Variants in TLCD3B observed in about 807,000 individuals in gnomAD.
The protein encoded by TLCD3B is TLC domain containing 3B, also known as ceramide synthase.
In TLCD3B, 9 loss-of-function variants were observed where a neutral mutation model predicts 23.0. That is an observed-to-expected ratio of 0.39 (90% CI 0.24 to 0.68). The LOEUF (loss-of-function observed/expected upper bound fraction) is 0.68. TLCD3B is among the 30% of genes least tolerant of loss of function. The probability of loss-of-function intolerance (pLI) is 0.44; values close to 1 mark genes in which losing one functional copy is unlikely to be tolerated. For synonymous variants in TLCD3B, 161 were observed against 161.0 expected (o/e 1.00, Z 0.00); for missense variants, 307 against 371.8 (o/e 0.83, Z 1.43).
rs959416075 is a variant in TLCD3B, at chr16:30,025,033, G to A, written c.*150C>T. On this transcript the variant is annotated 3_prime_UTR_variant, in exon 5 of 5. Transcript: ENST00000380495. The surrounding 1 kb of genome is among the most constrained non-coding windows in gnomAD (Gnocchi z 4.1). The stretch of plus-strand genomic sequence containing the variant: ...CCCTCTCTCCACCCCCTCAGTCCCC[G>A]AGAGATGGGGCCTCTTCCCTTTCGG... 9 of 574,780 alleles carry A rather than the reference G, an allele frequency of 1.6e-5. No individual in the cohort carries two copies. The highest frequency in any genetic ancestry group is 9.8e-5 in the African/African-American group (5 of 51,000). The allele number at this position is 574,780 out of a possible 1,614,324, so 35.6% of individuals were successfully genotyped here.
chr16:30,051,120 G>C (rs1352690147), intron 1 of TLCD3B, among the ~76,000 whole-genome samples: 1 of 152,286 alleles, frequency 6.6e-6, no homozygotes, highest in East Asian at 1.9e-4. Flanking sequence ...TATTGGCTGA[G>C]TGCAGTGGCT....
Position 30,026,689 on chromosome 16 carries a change from C to CT in TLCD3B, c.363dup (p.Ala122SerfsTer33). 6.2e-7 allele frequency: 1 copy of CT among 1,613,978 alleles called. No homozygotes were observed. Among genetic ancestry groups the CT allele is most frequent in the Non-Finnish European group, 8.5e-7 (1 of 1,180,032 alleles). ...AACTCCTTGTGCAGGTAGCCACGCG[C>CT]TATGGCCCACGTGCTGCCCGGGGCT... On this transcript the variant is annotated frameshift_variant, in exon 3 of 5. Transcript: ENST00000380495. LOFTEE classifies it high-confidence loss of function.
At chr16:30,047,135 A>ATCTG (rs58041815) in intron 1 of TLCD3B, among the ~76,000 whole-genome samples, 4,080 of 150,584 alleles carry the variant, frequency 0.027, 68 homozygotes, top group Middle Eastern at 0.048. Context: ...CTGTTGTGTC[A>ATCTG]TCTGTCTGTC....
upstream of TLCD3B, among the ~76,000 whole-genome samples, chr16:30,034,696 C>A (rs116240256): frequency 9.5e-3 from 1,439 of 152,244 alleles, 16 homozygotes; most frequent in African/African-American, 0.032. Context: ...GTCCTCCAGC[C>A]TATATCATCC....
At position 30,025,179 on chromosome 16, in the gene TLCD3B, G is replaced by C. The variant is rs1393963639; in HGVS notation, c.*4C>G. The C allele has an allele frequency of 6.9e-7, 1 of 1,444,814 alleles. No homozygotes were observed. 89.5% of individuals were successfully genotyped at this position (1,444,814 alleles called of 1,614,324 possible). A position where few individuals can be genotyped will look rare whatever the true frequency, so the allele number is the denominator to read the frequency against. ...GGGGAGGGGGAGGGTCCCGGCCCCC[G>C]GCCTCAGTCCTGGGCCTGGCAGGCC... On this transcript the variant is annotated 3_prime_UTR_variant, in exon 5 of 5. Coordinates refer to ENST00000380495, the MANE Select transcript of TLCD3B (RefSeq NM_031478.6). This position sits in a 1 kb window ranked among gnomAD's most constrained non-coding sequence, Gnocchi z 4.1.
In TLCD3B at chr16:30,039,617, T is replaced by A. The variant is rs560803818; in HGVS notation, c.-67+1378A>T. Among the ~76,000 whole-genome samples, 17 of 151,738 alleles carry A rather than the reference T, an allele frequency of 1.1e-4. 1 individual carries two copies. Among genetic ancestry groups the A allele is most frequent in the Admixed American group, 5.9e-4 (9 of 15,212 alleles). ...GCTAATTTTTGTATTTAAAAAAAAA[T>A]TTTTAGCTATGTTCTATGGAAAGGA... On this transcript the variant is annotated intron_variant, in intron 3 of 6. Transcript: ENST00000561666.
In TLCD3B at chr16:30,037,530, G is replaced by A. The variant is rs566757987; in HGVS notation, c.-66-1316C>T. 5.4e-5 allele frequency among the ~76,000 whole-genome samples: 8 copies of A among 147,152 alleles called. No homozygotes were observed. The South Asian group carries it at 1.5e-3, about 28-fold the overall frequency. The stretch of plus-strand genomic sequence containing the variant: ...TGCACTCCAGCCTGGGCGACAGAGC[G>A]AGACTGTGTTTCAAAAAAAAAAAAA... On this transcript the variant is annotated intron_variant, in intron 3 of 6. Coordinates refer to the TLCD3B transcript ENST00000561666.
At chr16:30,027,655 G>C (rs1267297622) in intron 2 of TLCD3B, 6 of 456,102 alleles carry the variant, frequency 1.3e-5, no homozygotes, top group Admixed American at 9.4e-5. Flanking sequence ...CAAGGACAAA[G>C]AAAGTTCCAT....
intron 1 of TLCD3B, among the ~76,000 whole-genome samples, chr16:30,052,341 C>T (rs1374010832): frequency 1.3e-5 from 2 of 151,782 alleles, no homozygotes; most frequent in Non-Finnish European, 2.9e-5. Context: ...GCACTCCAGC[C>T]TGGGAGATGA....
chr16:30,028,173 T>C (rs2071230893), intron 2 of TLCD3B, among the ~76,000 whole-genome samples: 1 of 152,048 alleles, frequency 6.6e-6, no homozygotes. Context: ...GCAGAGGTGA[T>C]GGGAGATGGG....
In TLCD3B at chr16:30,025,175, C is replaced by T. The variant is rs999307495; in HGVS notation, c.*8G>A. On this transcript the variant is annotated 3_prime_UTR_variant, in exon 5 of 5. Transcript: ENST00000380495. This position sits in a 1 kb window ranked among gnomAD's most constrained non-coding sequence, Gnocchi z 4.1. ...GGGTGGGGAGGGGGAGGGTCCCGGC[C>T]CCCGGCCTCAGTCCTGGGCCTGGCA... 2.8e-6 allele frequency: 4 copies of T among 1,442,570 alleles called. No homozygotes were observed. Among genetic ancestry groups the T allele is most frequent in the African/African-American group, 1.4e-5 (1 of 69,006 alleles). 89.4% of individuals were successfully genotyped at this position (1,442,570 alleles called of 1,614,324 possible).
At chr16:30,039,101 CTCTT>C (rs1237561776) in intron 3 of TLCD3B, among the ~76,000 whole-genome samples, 2 of 120,856 alleles carry the variant, frequency 1.7e-5, no homozygotes, top group African/African-American at 3.2e-5. Flanking sequence ...CCTCCTTCCT[CTCTT>C]TTTTTTTTTT....
At chr16:30,049,878 C>T (rs545645659) in intron 1 of TLCD3B, among the ~76,000 whole-genome samples, 1 of 150,922 alleles carries the variant, frequency 6.6e-6, no homozygotes, top group East Asian at 1.9e-4. Context: ...GCGCTGAGAT[C>T]GCACCACTGC....
chr16:30,039,251 G>C (rs2071536369), intron 3 of TLCD3B, among the ~76,000 whole-genome samples: 1 of 151,854 alleles, frequency 6.6e-6, no homozygotes, highest in Non-Finnish European at 1.5e-5. Flanking sequence ...AGCCTCCCGA[G>C]TAGCTGGGAT....
chr16:30,031,516 T>A (rs1320279943), upstream of TLCD3B, among the ~76,000 whole-genome samples: 1 of 152,158 alleles, frequency 6.6e-6, no homozygotes, highest in Non-Finnish European at 1.5e-5. Context: ...ATCTCCTCCC[T>A]CACCAAGCCA....
chr16:30,039,101 C>CTTTTTT (rs10623783), intron 3 of TLCD3B, among the ~76,000 whole-genome samples: 1 of 120,856 alleles, frequency 8.3e-6, no homozygotes, highest in African/African-American at 3.2e-5. Context: ...CCTCCTTCCT[C>CTTTTTT]TCTTTTTTTT....
chr16:30,031,547 G>T (rs1291583972), upstream of TLCD3B, among the ~76,000 whole-genome samples: 2 of 152,216 alleles, frequency 1.3e-5, no homozygotes, highest in Non-Finnish European at 2.9e-5. Context: ...GCCTGCCCCG[G>T]GTCCGAGCTT....
intron 2 of TLCD3B, chr16:30,027,051 G>A (rs2071175453): frequency 1.5e-6 from 1 of 675,236 alleles, no homozygotes; most frequent in Non-Finnish European, 2.7e-6. Flanking sequence ...TCAAACCTGT[G>A]GTCTCAGAAC....
chr16:30,047,155 GTCTGTCTGTCTGTCTA>G (rs1009575241), intron 1 of TLCD3B, among the ~76,000 whole-genome samples: 1 of 151,794 alleles, frequency 6.6e-6, no homozygotes, highest in African/African-American at 2.4e-5. Context: ...CTGTCTGTCT[GTCTGTCTGTCTGTCTA>G]TCTATCTATC....
Sources: gnomAD v4.1 joint callset for allele counts (sites outside exome capture counted in the v4.1 genomes callset) on GRCh38, gnomAD v4.1.1 for gene constraint, Gnocchi (gnomAD v3.1) non-coding constraint, MANE v1.5 for transcripts, NCBI Gene and HGNC (gene_info 2026-07-23, HGNC 2026-07-21) for gene names.